EFTUD2: variants seen among roughly 807,000 people sequenced by gnomAD.
EFTUD2 encodes the protein 116 kDa U5 small nuclear ribonucleoprotein component.
EFTUD2 carries 9 observed loss-of-function variants against 114.3 expected under a neutral mutation model. The observed-to-expected ratio is 0.08, with a 90% CI of 0.05 to 0.14. The LOEUF (loss-of-function observed/expected upper bound fraction) is 0.14. EFTUD2 is among the 10% of genes least tolerant of loss of function. EFTUD2 has a pLI of 1.00. For missense variants in EFTUD2, 765 were observed against 1,241.2 expected (o/e 0.62, Z 5.76); for synonymous variants, 449 against 462.3 (o/e 0.97, Z 0.37).
chr17:44,874,560 T>G (rs2050912673), intron 10 of EFTUD2, among the ~76,000 whole-genome samples: 1 of 152,212 alleles, frequency 6.6e-6, no homozygotes, highest in African/African-American at 2.4e-5. Flanking sequence ...GGAGAGGCAT[T>G]CTTTCAGTAG....
chr17:44,854,323 T>C lies in EFTUD2; in HGVS notation c.2293A>G (p.Ser765Gly). The C allele has an allele frequency of 6.2e-7, 1 of 1,614,044 alleles. No homozygotes were observed. The highest frequency in any genetic ancestry group is 8.5e-7 in the Non-Finnish European group (1 of 1,179,970). ...CCCCACTGGAAACCTTGAACGATGC[T>C]GTCCTTCACTGAACCAAGAAGAGCC... ...DKALLGSVKD[S>G]IVQGFQWGTR... The change falls in exon 23 of 28, where the codon AGC (serine) becomes GGC (glycine). Residue 765 changes from serine (S) to glycine (G), a missense_variant. Coordinates refer to ENST00000426333, the MANE Select transcript of EFTUD2 (RefSeq NM_004247.4). The surrounding 1 kb of genome is among the most constrained non-coding windows in gnomAD (Gnocchi z 4.3).
chr17:44,885,762 G>T (rs578017536), intron 3 of EFTUD2, among the ~76,000 whole-genome samples: 1 of 151,996 alleles, frequency 6.6e-6, no homozygotes, highest in African/African-American at 2.4e-5. Flanking sequence ...CTCCCGAGTT[G>T]CCAGGAGGCA....
chr17:44,854,322 C>T lies in EFTUD2; in HGVS notation c.2294G>A (p.Ser765Asn). 3.1e-6 allele frequency: 5 copies of T among 1,614,030 alleles called. No homozygotes were observed. Among genetic ancestry groups the T allele is most frequent in the Non-Finnish European group, 4.2e-6 (5 of 1,179,964 alleles). The change falls in exon 23 of 28, where the codon AGC becomes AAC. Residue 765 changes from serine (S) to asparagine (N), a missense_variant. By Grantham distance (46) the Ser-to-Asn change is conservative. Around this residue, in one of 6 missense-constraint regions of EFTUD2, gnomAD observed 166 missense variants for 401.5 expected, o/e 0.41. Coordinates refer to ENST00000426333, the MANE Select transcript of EFTUD2 (RefSeq NM_004247.4). This position sits in a 1 kb window ranked among gnomAD's most constrained non-coding sequence, Gnocchi z 4.3. Reference protein sequence around the residue: ...DKALLGSVKDSIVQGFQWGTR... With the variant: ...DKALLGSVKDNIVQGFQWGTR... ...TCCCCACTGGAAACCTTGAACGATGCTGTCCTTCACTGAACCAAGAAGAGC... is the reference window on the plus strand; with the variant it reads ...TCCCCACTGGAAACCTTGAACGATGTTGTCCTTCACTGAACCAAGAAGAGC...
At position 44,854,160 on chromosome 17, in the gene EFTUD2, C is replaced by T. The variant is rs1002385216; in HGVS notation, c.2347+109G>A. On this transcript the variant is annotated intron_variant, in intron 23 of 27. Transcript: ENST00000426333. This position sits in a 1 kb window ranked among gnomAD's most constrained non-coding sequence, Gnocchi z 4.3. ...CAGGACTTGGGATGGTCCTGTGTAC[C>T]CCAAGCTGCTTCTCCTGCCGAATCC... The T allele has an allele frequency of 1.4e-6, 2 of 1,428,128 alleles. No homozygotes were observed. The highest frequency in any genetic ancestry group is 1.9e-6 in the Non-Finnish European group (2 of 1,056,282). 88.5% of individuals were successfully genotyped at this position (1,428,128 alleles called of 1,614,324 possible). A position where few individuals can be genotyped will look rare whatever the true frequency, so the allele number is the denominator to read the frequency against.
At position 44,885,377 on chromosome 17, in the gene EFTUD2, A is replaced by C. The variant is rs1474880726; in HGVS notation, c.272-43T>G. The C allele has an allele frequency of 3.7e-6, 5 of 1,368,512 alleles. No individual in the cohort carries two copies. In the South Asian group the frequency reaches 4.7e-5, roughly 13 times the overall value. 84.8% of individuals were successfully genotyped at this position (1,368,512 alleles called of 1,614,324 possible). A position where few individuals can be genotyped will look rare whatever the true frequency, so the allele number is the denominator to read the frequency against. The stretch of plus-strand genomic sequence containing the variant: ...GGTAGTGATGTGTAGGTGGGCATAA[A>C]ACATAAAAATACGGAACACTATTCC... On this transcript the variant is annotated intron_variant, in intron 3 of 27. Transcript: ENST00000426333.
Position 44,854,461 on chromosome 17 carries a change from A to G in EFTUD2, c.2259+95T>C. ...GTAAGGGGATACTGTCCTTCACCAG[A>G]GGACACAAGATACTTTTGGGAAAAG... On this transcript the variant is annotated intron_variant, in intron 22 of 27. Coordinates refer to ENST00000426333, the MANE Select transcript of EFTUD2 (RefSeq NM_004247.4). The surrounding 1 kb of genome is among the most constrained non-coding windows in gnomAD (Gnocchi z 4.3). The G allele has an allele frequency of 6.3e-7, 1 of 1,577,966 alleles. No individual in the cohort carries two copies. Among genetic ancestry groups the G allele is most frequent in the African/African-American group, 1.4e-5 (1 of 73,882 alleles).
chr17:44,850,467 T>C lies in EFTUD2; in HGVS notation c.*807A>G. On this transcript the variant is annotated 3_prime_UTR_variant, in exon 28 of 28. Coordinates refer to ENST00000426333, the MANE Select transcript of EFTUD2 (RefSeq NM_004247.4). ...CTGGTACATTCCTAATAAAGCAGTT[T>C]TGAGGAAAATCAACAGACTCTTTTT... The C allele has an allele frequency of 2.6e-6, 3 of 1,169,688 alleles. No homozygotes were observed. In the South Asian group the frequency reaches 3.9e-5, roughly 15 times the overall value. 72.5% of individuals were successfully genotyped at this position (1,169,688 alleles called of 1,614,324 possible). A position where few individuals can be genotyped will look rare whatever the true frequency, so the allele number is the denominator to read the frequency against.
intron 16 of EFTUD2, 116 bp downstream of exon 16, chr17:44,862,597 C>T: frequency 1.0e-6 from 1 of 981,898 alleles, no homozygotes; most frequent in Non-Finnish European, 1.5e-6. Context: ...GCCACTTTAT[C>T]CCCTCTTGCA....
In EFTUD2 at chr17:44,886,593, G is replaced by A; in HGVS notation, c.263C>T (p.Pro88Leu). 1 of 1,614,132 alleles carries A rather than the reference G, an allele frequency of 6.2e-7. No individual in the cohort carries two copies. The highest frequency in any genetic ancestry group is 1.1e-5 in the South Asian group (1 of 91,082). Residue 88 changes from proline (P) to leucine (L), a missense_variant, in exon 3 of 28, where the codon CCT becomes CTT. Coordinates refer to ENST00000426333, the MANE Select transcript of EFTUD2 (RefSeq NM_004247.4). Reference sequence around the variant, plus strand: ...ATGTCCTCCTGATGTACCTGTGAGAGGCTGAGTGTCTTCCTCTTGAACTAT... The same window carrying A: ...ATGTCCTCCTGATGTACCTGTGAGAAGCTGAGTGTCTTCCTCTTGAACTAT... ...ETIVQEEDTQ[P>L]LTEPIIKPVK...
At chr17:44,877,014 C>T (rs544010904) in intron 9 of EFTUD2, among the ~76,000 whole-genome samples, 1 of 151,668 alleles carries the variant, frequency 6.6e-6, no homozygotes, top group Admixed American at 6.6e-5. Flanking sequence ...GGCAACAGAG[C>T]GAGACCCCAT....
chr17:44,864,228 C>T (rs1411343724), intron 14 of EFTUD2, among the ~76,000 whole-genome samples: 2 of 152,190 alleles, frequency 1.3e-5, no homozygotes, highest in African/African-American at 4.8e-5. Context: ...TAAGAGGGAA[C>T]CCCCATGAGC....
In EFTUD2 at chr17:44,851,757, C is replaced by T; in HGVS notation, c.2776G>A (p.Ala926Thr). The change falls in exon 27 of 28, where the codon GCT becomes ACT. Residue 926 changes from alanine (A) to threonine (T), a missense_variant. Coordinates refer to ENST00000426333, the MANE Select transcript of EFTUD2 (RefSeq NM_004247.4). ...IVIRPLEPQP[A>T]PHLAREFMIK... The stretch of plus-strand genomic sequence containing the variant: ...ATGAATTCCCGGGCCAGGTGAGGAG[C>T]TGGCTGTGGCTCCAAGGGGCGGATG... 6.2e-7 allele frequency: 1 copy of T among 1,601,300 alleles called. No homozygotes were observed. Among genetic ancestry groups the T allele is most frequent in the South Asian group, 1.1e-5 (1 of 88,320 alleles).
chr17:44,863,705 C>T lies in EFTUD2; in HGVS notation c.1363G>A (p.Gly455Ser), dbSNP rs201465523. ...AKPKIEHTYT[G>S]GVDSDLGEAM... ...TCGCCGAGGTCGGAGTCCACACCAC[C>T]GGTGTAGGTGTGCTCAATCTTGGGC... Residue 455 changes from glycine to serine, a missense_variant, in exon 15 of 28, where the codon GGT becomes AGT. By Grantham distance (56) the Gly-to-Ser change is moderately conservative. Around this residue, in one of 6 missense-constraint regions of EFTUD2, gnomAD observed 59 missense variants for 50.1 expected, o/e 1.18. Coordinates refer to ENST00000426333, the MANE Select transcript of EFTUD2 (RefSeq NM_004247.4). The T allele has an allele frequency of 1.9e-4, 304 of 1,614,150 alleles. 2 individuals are homozygous for T. The highest frequency in any genetic ancestry group is 1.7e-3 in the South Asian group (155 of 91,074).
At chr17:44,881,416 G>A (rs1002571399) in intron 7 of EFTUD2, among the ~76,000 whole-genome samples, 2 of 151,530 alleles carry the variant, frequency 1.3e-5, no homozygotes, top group Non-Finnish European at 2.9e-5. Context: ...TGCAGACATC[G>A]CCTCTTAGTA....
At chr17:44,883,199 G>A in intron 5 of EFTUD2, 41 bp from the exon 6 acceptor site, 4 of 1,598,814 alleles carry the variant, frequency 2.5e-6, no homozygotes, top group Non-Finnish European at 3.4e-6. Context: ...GACCACAGAG[G>A]AAAATTTACT....
chr17:44,853,640 A>G lies in EFTUD2; in HGVS notation c.2348-5T>C. 1 of 1,613,802 alleles carries G rather than the reference A, an allele frequency of 6.2e-7. No homozygotes were observed. Among genetic ancestry groups the G allele is most frequent in the Non-Finnish European group, 8.5e-7 (1 of 1,179,784 alleles). ...TAAACTTGACATTCCGAATCACTGTAAAGGAGGTGGAGGGAGTGACTGGGG... is the reference window on the plus strand; with the variant it reads ...TAAACTTGACATTCCGAATCACTGTGAAGGAGGTGGAGGGAGTGACTGGGG... On this transcript the variant is annotated splice_polypyrimidine_tract_variant and splice_region_variant and intron_variant, in intron 23 of 27. Coordinates refer to ENST00000426333, the MANE Select transcript of EFTUD2 (RefSeq NM_004247.4).
intron 1 of EFTUD2, among the ~76,000 whole-genome samples, chr17:44,897,865 A>G (rs1567759386): frequency 6.6e-6 from 1 of 152,004 alleles, no homozygotes; most frequent in African/African-American, 2.4e-5. Flanking sequence ...GCACCCGGCC[A>G]CATTTTACAT....
chr17:44,873,710 T>TTCA (rs1285654868), intron 10 of EFTUD2, among the ~76,000 whole-genome samples: 1 of 151,604 alleles, frequency 6.6e-6, no homozygotes. Flanking sequence ...TCAGGTTAAG[T>TTCA]TCAGCTCTAT....
At chr17:44,852,004 G>C (rs537473089) in intron 26 of EFTUD2, among the ~76,000 whole-genome samples, 187 bp from the exon 27 acceptor site, 1 of 151,886 alleles carries the variant, frequency 6.6e-6, no homozygotes, top group Non-Finnish European at 1.5e-5. Flanking sequence ...TGCAACCTCC[G>C]CCTCCCGGGT....
Sources: gnomAD v4.1 joint callset for allele counts (sites outside exome capture counted in the v4.1 genomes callset) on GRCh38, gnomAD v4.1.1 for gene constraint, gnomAD v4.1.1 regional missense constraint, Gnocchi (gnomAD v3.1) non-coding constraint, MANE v1.5 for transcripts, NCBI Gene and HGNC (gene_info 2026-07-23, HGNC 2026-07-21) for gene names.